Variants in RABGAP1L observed in about 807,000 individuals in gnomAD.
The protein encoded by RABGAP1L is rab GTPase-activating protein 1-like.
RABGAP1L carries 63 observed loss-of-function variants against 137.7 expected under a neutral mutation model. The observed-to-expected ratio is 0.46, with a 90% CI of 0.37 to 0.56. RABGAP1L has a LOEUF of 0.56. RABGAP1L is among the 20% of genes least tolerant of loss of function. The pLI, the probability that RABGAP1L is intolerant of heterozygous loss-of-function variation, is 0.00. For synonymous variants in RABGAP1L, 431 were observed against 433.7 expected, an observed-to-expected ratio of 0.99 and a Z score of 0.08; for missense variants, 1,095 against 1,244.0, an observed-to-expected ratio of 0.88 and a Z score of 1.80.
At chr1:174,824,807 T>TA (rs1221300526) in intron 19 of RABGAP1L, among the ~76,000 whole-genome samples, 18 of 151,710 alleles carry the variant, frequency 1.2e-4, no homozygotes, top group Non-Finnish European at 1.8e-4. Flanking sequence ...CTACTGTTCC[T>TA]AAAAAAAAAT....
intron 14 of RABGAP1L, among the ~76,000 whole-genome samples, chr1:174,669,474 G>C (rs1677028671): frequency 6.6e-6 from 1 of 152,144 alleles, no homozygotes; most frequent in Non-Finnish European, 1.5e-5. Context: ...CTATGCAGAA[G>C]CTTTTTAGTT....
intron 13 of RABGAP1L, among the ~76,000 whole-genome samples, chr1:174,562,195 A>G (rs1667267323): frequency 6.6e-6 from 1 of 152,250 alleles, no homozygotes; most frequent in South Asian, 2.1e-4. Flanking sequence ...GGCAAAGCAT[A>G]TGAACAGACA....
intron 4 of RABGAP1L, among the ~76,000 whole-genome samples, chr1:174,239,394 A>G (rs575474542): frequency 6.6e-6 from 1 of 152,302 alleles, no homozygotes; most frequent in African/African-American, 2.4e-5. Context: ...TCATTCTTAT[A>G]GGACTTACCA....
chr1:174,919,019 C>CTTTT (rs778211199), intron 19 of RABGAP1L, among the ~76,000 whole-genome samples: 1 of 134,742 alleles, frequency 7.4e-6, no homozygotes, highest in Non-Finnish European at 1.6e-5. Context: ...TGTCTTTTTT[C>CTTTT]TTTTTTTTTT....
chr1:174,880,554 T>C (rs953690762), intron 19 of RABGAP1L, among the ~76,000 whole-genome samples: 4 of 151,688 alleles, frequency 2.6e-5, no homozygotes. Context: ...TCTTTCCTTC[T>C]TTCTCCCTCC....
intron 13 of RABGAP1L, among the ~76,000 whole-genome samples, chr1:174,611,336 T>C (rs1179011523): frequency 2.0e-5 from 3 of 152,182 alleles, no homozygotes; most frequent in East Asian, 1.9e-4. Flanking sequence ...TGCTTGTTTT[T>C]CTCAGGTTTG....
chr1:174,646,638 G>A (rs1337689313), intron 14 of RABGAP1L, among the ~76,000 whole-genome samples: 1 of 152,156 alleles, frequency 6.6e-6, no homozygotes, highest in African/African-American at 2.4e-5. Flanking sequence ...TTGAAATCAA[G>A]TAGCATGATG....
rs1358905456 is a variant in RABGAP1L, at chr1:174,959,079, C to A, written c.2433+1530C>A. Reference sequence around the variant, plus strand: ...TCTTATTTCTCTCAAGTATTGCCAACCAATAATCTCCCCTTGCTTATAGAA... The same window carrying A: ...TCTTATTTCTCTCAAGTATTGCCAAACAATAATCTCCCCTTGCTTATAGAA... On this transcript the variant is annotated intron_variant, in intron 20 of 25. Transcript: ENST00000681986. Among the ~76,000 whole-genome samples, 3 of 152,300 alleles carry A rather than the reference C, an allele frequency of 2.0e-5. No homozygotes were observed. In the East Asian group the frequency reaches 5.8e-4, roughly 29 times the overall value.
At chr1:174,544,829 G>T (rs778911460) in intron 13 of RABGAP1L, 6 of 174,942 alleles carry the variant, frequency 3.4e-5, no homozygotes, top group Non-Finnish European at 7.4e-5. Flanking sequence ...TAACAGTCAC[G>T]ACCCTCTGTT....
At chr1:174,399,125 T>C (rs1648238319) in intron 13 of RABGAP1L, among the ~76,000 whole-genome samples, 2 of 152,298 alleles carry the variant, frequency 1.3e-5, no homozygotes, top group South Asian at 4.1e-4. Context: ...TCATAAGACT[T>C]CTTTGACATA....
At chr1:174,343,805 T>C (rs1395977081) in intron 11 of RABGAP1L, among the ~76,000 whole-genome samples, 1 of 152,166 alleles carries the variant, frequency 6.6e-6, no homozygotes, top group Non-Finnish European at 1.5e-5. Flanking sequence ...AAGCAGTCTA[T>C]ATTGTTTTGG....
At chr1:174,251,689 T>G (rs1672728013) in intron 6 of RABGAP1L, among the ~76,000 whole-genome samples, 13 of 152,216 alleles carry the variant, frequency 8.5e-5, no homozygotes, top group Admixed American at 7.9e-4. Flanking sequence ...TGTCCATCTT[T>G]TGTTTATATA....
chr1:174,791,056 T>C (rs1687818651), intron 18 of RABGAP1L, among the ~76,000 whole-genome samples: 2 of 152,046 alleles, frequency 1.3e-5, no homozygotes. Context: ...CCTGGCGTGC[T>C]GGCACGTGCC....
intron 10 of RABGAP1L, among the ~76,000 whole-genome samples, chr1:174,299,927 C>T (rs577383565): frequency 1.8e-4 from 27 of 152,160 alleles, no homozygotes; most frequent in African/African-American, 6.5e-4. Flanking sequence ...TAAAATAAGA[C>T]AACAATTGTC....
chr1:174,926,271 C>T (rs1662827891), intron 19 of RABGAP1L, among the ~76,000 whole-genome samples: 1 of 151,984 alleles, frequency 6.6e-6, no homozygotes, highest in Non-Finnish European at 1.5e-5. Flanking sequence ...TGGTCCTTTT[C>T]TCTTCAGTAA....
At chr1:174,710,493 G>A (rs1680396454) in intron 17 of RABGAP1L, among the ~76,000 whole-genome samples, 1 of 152,208 alleles carries the variant, frequency 6.6e-6, no homozygotes, top group African/African-American at 2.4e-5. Context: ...CAGAAACCCT[G>A]CAAGCTAGAA....
chr1:174,476,518 G>A (rs1424367806), intron 13 of RABGAP1L, among the ~76,000 whole-genome samples: 1 of 152,116 alleles, frequency 6.6e-6, no homozygotes, highest in Non-Finnish European at 1.5e-5. Flanking sequence ...GCCACTATAT[G>A]TAACTCTTTC....
At chr1:174,604,407 T>C (rs1442831745) in intron 13 of RABGAP1L, among the ~76,000 whole-genome samples, 2 of 152,214 alleles carry the variant, frequency 1.3e-5, no homozygotes, top group African/African-American at 4.8e-5. Context: ...GCCATGCAGC[T>C]AATGCTAGGG....
intron 11 of RABGAP1L, among the ~76,000 whole-genome samples, chr1:174,331,527 A>G (rs1034990278): frequency 3.5e-4 from 53 of 152,376 alleles, no homozygotes; most frequent in Middle Eastern, 6.8e-3. Context: ...CAACAGGTTT[A>G]TGATAAAACG....
Sources: gnomAD v4.1 joint callset for allele counts (sites outside exome capture counted in the v4.1 genomes callset) on GRCh38, gnomAD v4.1.1 for gene constraint, MANE v1.5 for transcripts, NCBI Gene and HGNC (gene_info 2026-07-23, HGNC 2026-07-21) for gene names.